Variants in CCSER1 observed in about 807,000 individuals in gnomAD.
CCSER1 encodes coiled-coil serine rich protein 1, also known as serine-rich coiled-coil domain-containing protein 1.
CCSER1 carries 41 observed loss-of-function variants against 82.0 expected under a neutral mutation model. The observed-to-expected ratio is 0.50, with a 90% CI of 0.39 to 0.65. The LOEUF is 0.65. Among genes scored for constraint, CCSER1 ranks in the 30% least tolerant of loss-of-function variants. The pLI is 0.00. For missense variants in CCSER1, 1,119 were observed against 1,064.2 expected (o/e 1.05, Z -0.72); for synonymous variants, 414 against 383.9 (o/e 1.08, Z -0.92).
chr4:90,882,983 T>C (rs1014276281), intron 8 of CCSER1, among the ~76,000 whole-genome samples: 2 of 152,064 alleles, frequency 1.3e-5, no homozygotes, highest in Non-Finnish European at 2.9e-5. Flanking sequence ...ATTTTATGTT[T>C]AGAACAATTC....
At chr4:91,587,999 AAAT>A (rs1484017613) in intron 10 of CCSER1, among the ~76,000 whole-genome samples, 3 of 151,612 alleles carry the variant, frequency 2.0e-5, no homozygotes, top group Non-Finnish European at 4.4e-5. Context: ...AATAAAATGA[AAAT>A]AATTGACAAT....
intron 6 of CCSER1, among the ~76,000 whole-genome samples, chr4:90,688,008 G>A (rs1014551611): frequency 6.6e-6 from 1 of 152,062 alleles, no homozygotes. Context: ...AACCAGAAAA[G>A]CTCGATATTC....
chr4:90,913,367 C>CAG (rs1306142094), intron 8 of CCSER1, among the ~76,000 whole-genome samples: 1 of 152,154 alleles, frequency 6.6e-6, no homozygotes, highest in Non-Finnish European at 1.5e-5. Flanking sequence ...ATTTTCAACT[C>CAG]AGAATTTCAT....
intron 8 of CCSER1, among the ~76,000 whole-genome samples, chr4:90,854,182 C>T (rs11936158): frequency 0.56 from 84,730 of 151,866 alleles, 23,909 homozygotes; most frequent in African/African-American, 0.62. Flanking sequence ...TTTTCAAATA[C>T]GATGGTAATG....
chr4:90,472,581 C>A (rs957780603), intron 5 of CCSER1, among the ~76,000 whole-genome samples: 13 of 152,220 alleles, frequency 8.5e-5, no homozygotes, highest in African/African-American at 3.1e-4. Context: ...CCACTTCCTG[C>A]AATATCTAAA....
intron 8 of CCSER1, among the ~76,000 whole-genome samples, chr4:90,896,876 TGTG>T (rs1275169109): frequency 1.3e-5 from 2 of 151,962 alleles, no homozygotes; most frequent in South Asian, 2.1e-4. Flanking sequence ...AAATGTTTAA[TGTG>T]GTTCAAAAAT....
rs1189441099 is a variant in CCSER1, at chr4:90,933,004, GAAAGAAAGAAAGAAAGAA to G, written c.2172+9559_2172+9576del. On this transcript the variant is annotated intron_variant, in intron 9 of 10. Transcript: ENST00000509176. ...AAAGAGAAAGAAAGAAAGAAAGAAAGAAAGAAAGAAAGAAAGAAAGAAAGAAAGAAAGAAAGAAAGAGA... is the reference window on the plus strand; with the variant it reads ...AAAGAGAAAGAAAGAAAGAAAGAAAGAGAAAGAAAGAAAGAAAGAAAGAGA... 5.7e-4 allele frequency among the ~76,000 whole-genome samples: 40 copies of G among 69,964 alleles called. 14 individuals are homozygous for G. The highest frequency in any genetic ancestry group is 4.1e-3 in the African/African-American group (39 of 9,590). 45.9% of individuals were successfully genotyped at this position (69,964 alleles called of 152,430 possible).
intron 10 of CCSER1, among the ~76,000 whole-genome samples, chr4:91,151,341 C>A (rs568392800): frequency 1.6e-4 from 24 of 152,012 alleles, no homozygotes; most frequent in Non-Finnish European, 3.2e-4. Context: ...TTTATTGCAT[C>A]TATTTTGTTC....
intron 8 of CCSER1, among the ~76,000 whole-genome samples, chr4:90,898,436 C>A (rs1400401330): frequency 6.7e-6 from 1 of 149,650 alleles, no homozygotes; most frequent in East Asian, 2.0e-4. Flanking sequence ...TGACACCATG[C>A]CTGGCTAATT....
At chr4:91,275,954 A>G (rs1342173733) in intron 10 of CCSER1, among the ~76,000 whole-genome samples, 1 of 152,110 alleles carries the variant, frequency 6.6e-6, no homozygotes, top group Non-Finnish European at 1.5e-5. Context: ...TTTTTGTCAA[A>G]ATTAGTTAAC....
chr4:91,346,978 G>C (rs1748104381), intron 10 of CCSER1, among the ~76,000 whole-genome samples: 1 of 151,604 alleles, frequency 6.6e-6, no homozygotes, highest in Admixed American at 6.6e-5. Context: ...AAAAGTTTTA[G>C]TTTTAATGAG....
chr4:90,868,575 A>T (rs1240619714), intron 8 of CCSER1, among the ~76,000 whole-genome samples: 4 of 151,998 alleles, frequency 2.6e-5, no homozygotes, highest in African/African-American at 9.7e-5. Context: ...GTGTGTGTGT[A>T]CCACCTTTTC....
chr4:90,940,330 T>C (rs2150325222), intron 9 of CCSER1, among the ~76,000 whole-genome samples: 1 of 151,466 alleles, frequency 6.6e-6, no homozygotes, highest in Admixed American at 6.6e-5. Context: ...TCCCTTCTCC[T>C]CCTTTCTCCT....
intron 10 of CCSER1, among the ~76,000 whole-genome samples, chr4:91,462,343 A>G (rs187949008): frequency 3.4e-4 from 52 of 152,280 alleles, no homozygotes; most frequent in African/African-American, 1.1e-3. Flanking sequence ...TTTTTGATAA[A>G]TATTTCTGTG....
chr4:90,190,940 A>T (rs1735501119), intron 1 of CCSER1, among the ~76,000 whole-genome samples: 1 of 151,922 alleles, frequency 6.6e-6, no homozygotes, highest in South Asian at 2.1e-4. Context: ...TTTATATGTA[A>T]TAGCTAACAC....
intron 5 of CCSER1, among the ~76,000 whole-genome samples, chr4:90,534,442 TG>T (rs1775035845): frequency 2.2e-4 from 5 of 23,028 alleles, no homozygotes; most frequent in East Asian, 1.4e-3. Flanking sequence ...GCCAGCCTTT[TG>T]TGTGTGTGTG....
chr4:91,403,667 CT>C (rs1752488795), intron 10 of CCSER1, among the ~76,000 whole-genome samples: 1 of 151,994 alleles, frequency 6.6e-6, no homozygotes. Context: ...TGGTTTTTGT[CT>C]TTGGTTCTGT....
chr4:91,512,226 C>T (rs897288923), intron 10 of CCSER1, among the ~76,000 whole-genome samples: 1 of 152,162 alleles, frequency 6.6e-6, no homozygotes, highest in South Asian at 2.1e-4. Flanking sequence ...CACTGGGAGA[C>T]ACAGACCCAC....
chr4:90,686,783 G>A (rs1734882707), intron 6 of CCSER1, among the ~76,000 whole-genome samples: 1 of 152,116 alleles, frequency 6.6e-6, no homozygotes, highest in Non-Finnish European at 1.5e-5. Flanking sequence ...AAGATTTGAA[G>A]AATAGAGCAA....
Sources: gnomAD v4.1 joint callset for allele counts (sites outside exome capture counted in the v4.1 genomes callset) on GRCh38, gnomAD v4.1.1 for gene constraint, MANE v1.5 for transcripts, NCBI Gene and HGNC (gene_info 2026-07-23, HGNC 2026-07-21) for gene names.